The following TTC12 variants were observed in gnomAD, a reference collection of about 807,000 sequenced individuals.
TTC12 encodes tetratricopeptide repeat protein 12.
In TTC12, 70 loss-of-function variants were observed where a neutral mutation model predicts 90.1. The ratio of observed to expected loss-of-function variants is 0.78; its 90% CI spans 0.64 to 0.95. The LOEUF (loss-of-function observed/expected upper bound fraction) is 0.95. Ranked by LOEUF, TTC12 falls within the 40% of genes least tolerant of loss-of-function variation. TTC12 has a pLI of 0.00. For missense variants in TTC12, 819 were observed against 846.1 expected (o/e 0.97, Z 0.40); for synonymous variants, 296 against 311.5 (o/e 0.95, Z 0.53).
chr11:113,367,730 C>T (rs928713681), downstream of TTC12, among the ~76,000 whole-genome samples: 1 of 151,980 alleles, frequency 6.6e-6, no homozygotes, highest in Non-Finnish European at 1.5e-5. Context: ...CGGGGGTGGG[C>T]GGTGGAAGAA....
At chr11:113,335,226 G>A (rs1049399515) in intron 8 of TTC12, among the ~76,000 whole-genome samples, 189 bp downstream of exon 8, 1 of 152,142 alleles carries the variant, frequency 6.6e-6, no homozygotes, top group African/African-American at 2.4e-5. Flanking sequence ...TCCACCAGCT[G>A]TAGGACTCTC....
rs782679615 is a variant in TTC12 at position 113,341,891 on chromosome 11, T to C, written c.951T>C (p.Val317=). The change falls in exon 12 of 22, where the codon GTT becomes GTC. Residue 317 remains valine (V), a synonymous_variant. Coordinates refer to ENST00000529221, the MANE Select transcript of TTC12 (RefSeq NM_017868.4). ...TTGAAGAAATGGTCTGTGTGTCTGTTCTCAAGCTCTGGCAAGCAGTGTGCA... is the reference window on the plus strand; with the variant it reads ...TTGAAGAAATGGTCTGTGTGTCTGTCCTCAAGCTCTGGCAAGCAGTGTGCA... The part of the protein sequence containing the change: ...DAVEEMVCVS[V]LKLWQAVCSR... 4.2e-5 allele frequency: 67 copies of C among 1,614,080 alleles called. No individual in the cohort carries two copies. The Middle Eastern group carries it at 1.3e-3, about 32-fold the overall frequency.
chr11:113,368,782 G>A, downstream of TTC12: 1 of 492,284 alleles, frequency 2.0e-6, no homozygotes, highest in South Asian at 3.5e-5. Flanking sequence ...GAGAACTGAG[G>A]GGAAGTATGA....
rs779336395 is a variant in TTC12, at chr11:113,364,860, C to G, written c.1842C>G (p.Leu614=). Residue 614 remains leucine, a synonymous_variant, in exon 21 of 22, where the codon CTC becomes CTG. Coordinates refer to ENST00000529221, the MANE Select transcript of TTC12 (RefSeq NM_017868.4). ...DKKLSVMMKL[L]SSEDEVLVGN... Reference sequence around the variant, plus strand: ...AGTTGAGCGTTATGATGAAGCTGCTCAGCTCGGAGGATGAGGTTCTGGTGG... The same window carrying G: ...AGTTGAGCGTTATGATGAAGCTGCTGAGCTCGGAGGATGAGGTTCTGGTGG... 1 of 1,614,182 alleles carries G rather than the reference C, an allele frequency of 6.2e-7. No homozygotes were observed.
chr11:113,362,486 T>G lies in TTC12; in HGVS notation c.1700T>G (p.Met567Arg), dbSNP rs372955658. The change falls in exon 19 of 22, where the codon ATG becomes AGG. Residue 567 changes from methionine to arginine, a missense_variant. Met to Arg is a moderately conservative substitution (Grantham distance 91). Transcript: ENST00000529221. Reference protein sequence around the residue: ...EALRAGVVKKMMKFLKTGGET... With the variant: ...EALRAGVVKKRMKFLKTGGET... ...TTGCGAGCAGGAGTGGTAAAGAAAA[T>G]GATGAAATTCCTGAAGGTAAGATCA... The G allele has an allele frequency of 7.4e-5, 120 of 1,611,596 alleles. No homozygotes were observed. The highest frequency in any genetic ancestry group is 1.0e-4 in the Non-Finnish European group (118 of 1,177,806).
chr11:113,340,518 T>TA (rs2137993317), intron 10 of TTC12, 146 bp from the exon 11 acceptor site: 2 of 640,236 alleles, frequency 3.1e-6, no homozygotes, highest in East Asian at 2.8e-5. Flanking sequence ...TTTCAAAATG[T>TA]AAAGTTCATT....
downstream of TTC12, among the ~76,000 whole-genome samples, chr11:113,367,093 G>C (rs1437469679): frequency 6.6e-6 from 1 of 152,170 alleles, no homozygotes; most frequent in Non-Finnish European, 1.5e-5. Flanking sequence ...GTTGCCCCAG[G>C]GTCACTCTAA....
rs1026851990 is a variant in TTC12, at chr11:113,334,962, G to A, written c.505-4G>A. On this transcript the variant is annotated splice_polypyrimidine_tract_variant and splice_region_variant and intron_variant, in intron 7 of 21. Coordinates refer to ENST00000529221, the MANE Select transcript of TTC12 (RefSeq NM_017868.4). Reference sequence around the variant, plus strand: ...CTTCTGATCAGTCATTCTCTTTTATGCAGTGTGATGAAAAATGCACAAAAG... The same window carrying A: ...CTTCTGATCAGTCATTCTCTTTTATACAGTGTGATGAAAAATGCACAAAAG... The A allele has an allele frequency of 2.9e-5, 46 of 1,612,476 alleles. No individual in the cohort carries two copies. Among genetic ancestry groups the A allele is most frequent in the Non-Finnish European group, 3.5e-5 (41 of 1,178,722 alleles).
chr11:113,330,479 C>A (rs1372787754), intron 7 of TTC12, among the ~76,000 whole-genome samples: 4 of 152,206 alleles, frequency 2.6e-5, no homozygotes, highest in Non-Finnish European at 5.9e-5. Flanking sequence ...CTACACATGG[C>A]ATTTCCTCTG....
intron 10 of TTC12, 133 bp downstream of exon 10, chr11:113,339,607 C>T: frequency 1.2e-6 from 1 of 822,152 alleles, no homozygotes; most frequent in Non-Finnish European, 1.8e-6. Context: ...GCTAATGTAG[C>T]TGCTAAAAGG....
intron 7 of TTC12, among the ~76,000 whole-genome samples, chr11:113,330,262 A>G (rs1213302250): frequency 6.6e-6 from 1 of 152,140 alleles, no homozygotes; most frequent in Admixed American, 6.5e-5. Flanking sequence ...ACTTGGTTCT[A>G]TGTGGTAGTG....
Position 113,349,901 on chromosome 11 carries a change from C to T in TTC12, c.1155-172C>T, listed in dbSNP as rs184656547. On this transcript the variant is annotated intron_variant, in intron 13 of 21. Coordinates refer to ENST00000529221, the MANE Select transcript of TTC12 (RefSeq NM_017868.4). The stretch of plus-strand genomic sequence containing the variant: ...GGTGGAGCCAACCACTTAAGAGTAT[C>T]TGTCTCTGGGTGGGCAAGGAGCTAG... 4.6e-5 allele frequency among the ~76,000 whole-genome samples: 7 copies of T among 152,270 alleles called. No homozygotes were observed. In the East Asian group the frequency reaches 1.4e-3, roughly 29 times the overall value.
intron 20 of TTC12, 82 bp downstream of exon 20, chr11:113,364,009 A>G: frequency 3.2e-6 from 3 of 927,426 alleles, no homozygotes; most frequent in Non-Finnish European, 5.1e-6. Context: ...GTGGTCGAGG[A>G]GGAACTTAGC....
chr11:113,326,778 T>C (rs1947719443), intron 6 of TTC12, among the ~76,000 whole-genome samples: 1 of 152,230 alleles, frequency 6.6e-6, no homozygotes, highest in Admixed American at 6.5e-5. Context: ...TAGCAGTACA[T>C]TGCATTACCC....
At chr11:113,362,657 G>C (rs576503625) in intron 19 of TTC12, among the ~76,000 whole-genome samples, 155 bp downstream of exon 19, 1 of 152,156 alleles carries the variant, frequency 6.6e-6, no homozygotes, top group African/African-American at 2.4e-5. Flanking sequence ...GCTTCTGCCT[G>C]TCTACCCAGA....
At chr11:113,335,119 C>A in intron 8 of TTC12, 82 bp downstream of exon 8, 1 of 1,011,374 alleles carries the variant, frequency 9.9e-7, no homozygotes, top group South Asian at 1.4e-5. Context: ...CCATGATTCT[C>A]CAAGCTGATT....
At chr11:113,333,389 T>G (rs1219567479) in intron 7 of TTC12, among the ~76,000 whole-genome samples, 1 of 152,194 alleles carries the variant, frequency 6.6e-6, no homozygotes, top group Non-Finnish European at 1.5e-5. Context: ...TTTTAAAGAC[T>G]GCATTTTAGA....
At chr11:113,366,894 C>T (rs1199334934), downstream of TTC12, among the ~76,000 whole-genome samples, 1 of 152,232 alleles carries the variant, frequency 6.6e-6, no homozygotes, top group African/African-American at 2.4e-5. Context: ...GGGGGTCCCT[C>T]TGGCACCCTC....
intron 16 of TTC12, among the ~76,000 whole-genome samples, chr11:113,352,852 A>G (rs1026984655): frequency 2.0e-5 from 3 of 152,176 alleles, no homozygotes; most frequent in African/African-American, 7.2e-5. Flanking sequence ...CCAGTCTATC[A>G]TTGATGGGCA....
Sources: gnomAD v4.1 joint callset for allele counts (sites outside exome capture counted in the v4.1 genomes callset) on GRCh38, gnomAD v4.1.1 for gene constraint, MANE v1.5 for transcripts, NCBI Gene and HGNC (gene_info 2026-07-23, HGNC 2026-07-21) for gene names.